ZFP90: variants seen among roughly 807,000 people sequenced by gnomAD.
The protein encoded by ZFP90 is ZFP90 zinc finger protein.
A neutral mutation model predicts 60.8 loss-of-function variants in ZFP90; 38 were observed. The observed-to-expected ratio is 0.62, with a 90% confidence interval of 0.48 to 0.82. The LOEUF is 0.82. ZFP90 is among the 40% of genes least tolerant of loss of function. The probability of loss-of-function intolerance (pLI) is 0.00; values close to 1 mark genes in which losing one functional copy is unlikely to be tolerated. For synonymous variants in ZFP90, 287 were observed against 264.8 expected (o/e 1.08, Z -0.82); for missense variants, 711 against 759.1 (o/e 0.94, Z 0.74).
At chr16:68,545,732 A>G (rs2091137738) in intron 2 of ZFP90, among the ~76,000 whole-genome samples, 2 of 152,006 alleles carry the variant, frequency 1.3e-5, no homozygotes, top group Admixed American at 6.6e-5. Context: ...GAAGAATGGC[A>G]TGAACCTGGG....
In ZFP90 at chr16:68,539,760, C is replaced by T. The variant is rs774730947; in HGVS notation, c.-33C>T. The T allele has an allele frequency of 2.6e-6, 4 of 1,565,432 alleles. No homozygotes were observed. Among genetic ancestry groups the T allele is most frequent in the Admixed American group, 3.7e-5 (2 of 53,784 alleles). On this transcript the variant is annotated splice_region_variant and 5_prime_UTR_variant, in exon 2 of 5. Transcript: ENST00000563169. Reference sequence around the variant, plus strand: ...TGGGCCCTGTCCTTTCTCCCCAGCTCCTGCCCCGGAGCCGGGCCCTGGCGA... The same window carrying T: ...TGGGCCCTGTCCTTTCTCCCCAGCTTCTGCCCCGGAGCCGGGCCCTGGCGA...
chr16:68,565,118 C>A lies in ZFP90; in HGVS notation c.*420C>A. On this transcript the variant is annotated 3_prime_UTR_variant, in exon 5 of 5. Transcript: ENST00000563169. ...AACTGCAGCTCTTACATTAACTTCA[C>A]CATGGAAACCAGTTCCAACTCCAGG... The A allele has an allele frequency of 1.0e-6, 1 of 993,650 alleles. No homozygotes were observed. Among genetic ancestry groups the A allele is most frequent in the Non-Finnish European group, 1.2e-6 (1 of 835,228 alleles). The allele number at this position is 993,650 out of a possible 1,614,324, so 61.6% of individuals were successfully genotyped here.
chr16:68,563,233 T>A lies in ZFP90; in HGVS notation c.446T>A (p.Ile149Asn). Residue 149 changes from isoleucine (I) to asparagine (N), a missense_variant, in exon 5 of 5, where the codon ATT (isoleucine) becomes AAT (asparagine). Transcript: ENST00000563169. ...GSEASTQKKI[I>N]TPQENFEQNK... The stretch of plus-strand genomic sequence containing the variant: ...GAGGCATCCACCCAGAAGAAAATAA[T>A]TACACCACAAGAAAATTTTGAGCAA... 6.2e-7 allele frequency: 1 copy of A among 1,613,492 alleles called. No individual in the cohort carries two copies. The highest frequency in any genetic ancestry group is 1.3e-5 in the African/African-American group (1 of 74,954).
intron 2 of ZFP90, chr16:68,557,252 G>A (rs1292899612): frequency 6.6e-6 from 3 of 455,962 alleles, no homozygotes; most frequent in East Asian, 7.0e-5. Context: ...CGGCTCAAGC[G>A]TTCTGCCGGC....
rs2091480155 is a variant in ZFP90, at chr16:68,564,095, T to C, written c.1308T>C (p.Ser436=). The stretch of plus-strand genomic sequence containing the variant: ...GCATAGATTTCAAGCACAGCACATC[T>C]CTCACTCAAGATGAAAGCACTCTTA... The part of the protein sequence containing the change: ...NYSIDFKHST[S]LTQDESTLTE... Residue 436 remains serine (S), a synonymous_variant, in exon 5 of 5, where the codon TCT becomes TCC. Coordinates refer to ENST00000563169, the MANE Select transcript of ZFP90 (RefSeq NM_001305203.2). 2 of 1,614,140 alleles carry C rather than the reference T, an allele frequency of 1.2e-6. No homozygotes were observed. The highest frequency in any genetic ancestry group is 2.2e-5 in the East Asian group (1 of 44,880).
chr16:68,558,186 A>G, intron 3 of ZFP90, 62 bp downstream of exon 3: 1 of 1,598,676 alleles, frequency 6.3e-7, no homozygotes, highest in East Asian at 2.2e-5. Flanking sequence ...TGGTTGCTAT[A>G]GTGGTGGTGC....
chr16:68,535,838 T>G (rs2090956999), upstream of ZFP90, among the ~76,000 whole-genome samples: 2 of 152,184 alleles, frequency 1.3e-5, no homozygotes, highest in South Asian at 4.1e-4. Flanking sequence ...TTTAAAAGAT[T>G]TTTAAGTTAT....
intron 2 of ZFP90, among the ~76,000 whole-genome samples, chr16:68,556,015 C>T (rs1015346213): frequency 6.6e-6 from 1 of 152,052 alleles, no homozygotes; most frequent in Admixed American, 6.6e-5. Flanking sequence ...GAAGTCTAAC[C>T]AGGAATTAGC....
chr16:68,547,579 T>C (rs2091172584), intron 2 of ZFP90, among the ~76,000 whole-genome samples: 1 of 152,182 alleles, frequency 6.6e-6, no homozygotes, highest in Non-Finnish European at 1.5e-5. Context: ...TCCTTATGCA[T>C]ATTTTTCCCC....
At chr16:68,552,211 G>C (rs1254705139) in intron 2 of ZFP90, among the ~76,000 whole-genome samples, 1 of 152,234 alleles carries the variant, frequency 6.6e-6, no homozygotes, top group Non-Finnish European at 1.5e-5. Context: ...CTGACTCAGA[G>C]TGACTAACTT....
chr16:68,552,609 G>C (rs1362549838), intron 2 of ZFP90, among the ~76,000 whole-genome samples: 1 of 152,178 alleles, frequency 6.6e-6, no homozygotes, highest in Non-Finnish European at 1.5e-5. Context: ...CTGGTTTCAA[G>C]GAGCTGTAAC....
rs34979386 is a variant in ZFP90 at position 68,564,841 on chromosome 16, A to ATTTTT, written c.*151_*155dup. ...TGTGGAGAAAACTGCCAGTAGACAG[A>ATTTTT]TTTTTTTTTTTTAACATAAAGACAC... On this transcript the variant is annotated 3_prime_UTR_variant, in exon 5 of 5. Transcript: ENST00000563169. 216 of 1,344,234 alleles carry ATTTTT rather than the reference A, an allele frequency of 1.6e-4. No homozygotes were observed. The highest frequency in any genetic ancestry group is 3.3e-4 in the East Asian group (12 of 36,562). 83.3% of individuals were successfully genotyped at this position (1,344,234 alleles called of 1,614,324 possible).
chr16:68,565,864 C>G lies in ZFP90; in HGVS notation c.*1166C>G. 1 of 984,398 alleles carries G rather than the reference C, an allele frequency of 1.0e-6. No homozygotes were observed. The highest frequency in any genetic ancestry group is 1.7e-5 in the African/African-American group (1 of 57,266). 61.0% of individuals were successfully genotyped at this position (984,398 alleles called of 1,614,324 possible). ...ACTTGGCTAGGTATGGTGTCTCACACCTGTAATCCCAGCACTTTGGGTGGC... is the reference window on the plus strand; with the variant it reads ...ACTTGGCTAGGTATGGTGTCTCACAGCTGTAATCCCAGCACTTTGGGTGGC... On this transcript the variant is annotated 3_prime_UTR_variant, in exon 5 of 5. Transcript: ENST00000563169.
chr16:68,574,910 G>C, intron 2 of ZFP90, among the ~76,000 whole-genome samples: 1 of 124,674 alleles, frequency 8.0e-6, no homozygotes, highest in East Asian at 2.4e-4. Context: ...CTGGGCCACA[G>C]AGTGAGACCC....
At chr16:68,571,574 T>C (rs949125928), downstream of ZFP90, among the ~76,000 whole-genome samples, 3 of 151,864 alleles carry the variant, frequency 2.0e-5, no homozygotes, top group African/African-American at 7.3e-5. Context: ...CCTGAAGGAT[T>C]TGGGGGAAGG....
chr16:68,537,795 G>C (rs920937595), upstream of ZFP90, among the ~76,000 whole-genome samples: 1 of 151,976 alleles, frequency 6.6e-6, no homozygotes, highest in Non-Finnish European at 1.5e-5. Context: ...TTTAATTCCT[G>C]GGCTCCTCCC....
upstream of ZFP90, among the ~76,000 whole-genome samples, chr16:68,536,559 C>T (rs979864546): frequency 3.2e-4 from 49 of 152,180 alleles, no homozygotes; most frequent in Admixed American, 5.9e-4. Flanking sequence ...CCTCCTCAGC[C>T]TCCCAAAGTG....
upstream of ZFP90, among the ~76,000 whole-genome samples, chr16:68,537,291 A>G (rs145052374): frequency 9.9e-3 from 1,508 of 152,042 alleles, 7 homozygotes; most frequent in Non-Finnish European, 0.016. Context: ...ACACCCTGCT[A>G]ATTTTTGTAT....
At chr16:68,554,386 C>T (rs1266063303) in intron 2 of ZFP90, among the ~76,000 whole-genome samples, 1 of 152,128 alleles carries the variant, frequency 6.6e-6, no homozygotes, top group Non-Finnish European at 1.5e-5. Flanking sequence ...AGGTGATCCA[C>T]CCGCCTCAGC....
Sources: gnomAD v4.1 joint callset for allele counts (sites outside exome capture counted in the v4.1 genomes callset) on GRCh38, gnomAD v4.1.1 for gene constraint, MANE v1.5 for transcripts, NCBI Gene and HGNC (gene_info 2026-07-23, HGNC 2026-07-21) for gene names.